S100PBP: variants seen among roughly 807,000 people sequenced by gnomAD.
S100PBP encodes the protein S100P-binding protein.
A neutral mutation model predicts 39.9 loss-of-function variants in S100PBP; 15 were observed. The observed-to-expected ratio is 0.38, with a 90% CI of 0.25 to 0.58. The LOEUF is 0.58. S100PBP is among the 20% of genes least tolerant of loss of function. The probability of loss-of-function intolerance (pLI) is 0.70; values close to 1 mark genes in which losing one functional copy is unlikely to be tolerated. For synonymous variants in S100PBP, 178 were observed against 180.3 expected (o/e 0.99, Z 0.10); for missense variants, 504 against 487.3 (o/e 1.03, Z -0.32).
At chr1:32,852,952 G>T in intron 5 of S100PBP, 127 bp from the exon 6 acceptor site, 1 of 641,228 alleles carries the variant, frequency 1.6e-6, no homozygotes, top group Non-Finnish European at 2.8e-6. Flanking sequence ...CTCACTGCTT[G>T]TGATAATTGT....
At chr1:32,822,021 A>G (rs148363267) in intron 1 of S100PBP, among the ~76,000 whole-genome samples, 3 of 152,274 alleles carry the variant, frequency 2.0e-5, no homozygotes, top group East Asian at 3.9e-4. Context: ...AGCCAGTCAC[A>G]TTGTATGGAC....
chr1:32,853,050 TC>T (rs774748080), intron 5 of S100PBP, 28 bp from the exon 6 acceptor site: 40 of 1,536,306 alleles, frequency 2.6e-5, no homozygotes, highest in Non-Finnish European at 3.4e-5. Flanking sequence ...ACTCAGCTGT[TC>T]CTAACCACTG....
intron 5 of S100PBP, chr1:32,843,267 G>C (rs1340673966): frequency 6.6e-6 from 1 of 151,896 alleles, no homozygotes; most frequent in Non-Finnish European, 1.5e-5. Flanking sequence ...TTTCTTTTCT[G>C]GTGCTGCCTA....
rs775534923 is a variant in S100PBP at position 32,856,606 on chromosome 1, A to G, written c.*568A>G. The G allele has an allele frequency of 5.2e-5, 8 of 152,698 alleles. No homozygotes were observed. Among genetic ancestry groups the G allele is most frequent in the Non-Finnish European group, 1.0e-4 (7 of 68,070 alleles). The allele number at this position is 152,698 out of a possible 1,614,324, so 9.5% of individuals were successfully genotyped here. The stretch of plus-strand genomic sequence containing the variant: ...TAGGATGGAGCAGGAGAAGAATCCT[A>G]TTGAAAGGACAAATTAAAATAGTAA... On this transcript the variant is annotated 3_prime_UTR_variant, in exon 7 of 7. Transcript: ENST00000373475.
intron 1 of S100PBP, chr1:32,820,653 T>C (rs1639014126): frequency 6.6e-6 from 1 of 152,234 alleles, no homozygotes; most frequent in Non-Finnish European, 1.5e-5. Flanking sequence ...ATAATCATTG[T>C]ATCTTTCCCA....
rs774849045 is a variant in S100PBP, at chr1:32,826,925, A to G, written c.826A>G (p.Asn276Asp). The change falls in exon 3 of 7, where the codon AAC becomes GAC. Residue 276 changes from asparagine (N) to aspartate (D), a missense_variant. Transcript: ENST00000373475. ...ATCTCTGGTTGTTTCCACCTCATCA[A>G]ACAAAGTAAGTATATTTTATTCAAG... The part of the protein sequence containing the change: ...MRSLVVSTSS[N>D]KQDVLNKDSG... 1.6e-5 allele frequency: 25 copies of G among 1,563,764 alleles called. No homozygotes were observed. The highest frequency in any genetic ancestry group is 2.2e-5 in the East Asian group (1 of 44,526).
intron 5 of S100PBP, among the ~76,000 whole-genome samples, chr1:32,840,126 AG>A (rs1359045781): frequency 6.6e-6 from 1 of 152,152 alleles, no homozygotes; most frequent in African/African-American, 2.4e-5. Context: ...CTGGGATAAC[AG>A]GTGTGCATCC....
intron 3 of S100PBP, 101 bp downstream of exon 3, chr1:32,827,031 T>A: frequency 1.3e-6 from 1 of 769,186 alleles, no homozygotes; most frequent in Non-Finnish European, 2.0e-6. Context: ...CATACACAAC[T>A]TCCCCTGCTG....
Position 32,826,803 on chromosome 1 carries a change from C to A in S100PBP, c.704C>A (p.Thr235Lys). The A allele has an allele frequency of 6.2e-7, 1 of 1,613,904 alleles. No individual in the cohort carries two copies. The change falls in exon 3 of 7, where the codon ACG becomes AAG. Residue 235 changes from threonine to lysine, a missense_variant. Physicochemically the swap from Thr to Lys is moderately conservative, Grantham distance 78. Transcript: ENST00000373475. ...DKNMPDSENP[T>K]SVFSRISDHS... ...AATATGCCTGACAGTGAGAACCCTA[C>A]GTCTGTATTCTCTCGGATCTCAGAC...
rs923034037 is a variant in S100PBP at position 32,829,987 on chromosome 1, A to G, written c.944A>G (p.Gln315Arg). 5 of 1,613,754 alleles carry G rather than the reference A, an allele frequency of 3.1e-6. No homozygotes were observed. The highest frequency in any genetic ancestry group is 3.3e-5 in the Admixed American group (2 of 59,992). ...KTRTNVPTFSQSNLEQQKQLY... is the reference protein window; with the variant it reads ...KTRTNVPTFSRSNLEQQKQLY... ...AGGACTAATGTTCCGACGTTTTCACAGTCAAATCTAGAACAGCAGAAGCAG... is the reference window on the plus strand; with the variant it reads ...AGGACTAATGTTCCGACGTTTTCACGGTCAAATCTAGAACAGCAGAAGCAG... Residue 315 changes from glutamine to arginine, a missense_variant, in exon 5 of 7, where the codon CAG becomes CGG. Coordinates refer to ENST00000373475, the MANE Select transcript of S100PBP (RefSeq NM_022753.4).
rs1189994334 is a variant in S100PBP at position 32,826,297 on chromosome 1, C to T, written c.198C>T (p.Asp66=). The change falls in exon 3 of 7, where the codon GAC becomes GAT. Residue 66 remains aspartate (D), a synonymous_variant. Transcript: ENST00000373475. Reference sequence around the variant, plus strand: ...TTGATGCACTGTTGAAGGAAGATGACCCATCATATGAGCAGTCTTCTGGGG... The same window carrying T: ...TTGATGCACTGTTGAAGGAAGATGATCCATCATATGAGCAGTCTTCTGGGG... ...EEIDALLKED[D]PSYEQSSGED... The T allele has an allele frequency of 1.2e-6, 2 of 1,614,054 alleles. No homozygotes were observed. The highest frequency in any genetic ancestry group is 1.7e-6 in the Non-Finnish European group (2 of 1,179,986).
At position 32,826,627 on chromosome 1, in the gene S100PBP, C is replaced by T. The variant is rs966281960; in HGVS notation, c.528C>T (p.Ser176=). The T allele has an allele frequency of 1.9e-6, 3 of 1,613,970 alleles. No homozygotes were observed. Among genetic ancestry groups the T allele is most frequent in the African/African-American group, 1.3e-5 (1 of 74,906 alleles). The part of the protein sequence containing the change: ...DSSKDTEKLS[S]LGEEMREDGL... Reference sequence around the variant, plus strand: ...CCAAAGATACTGAAAAACTCTCTTCCCTTGGAGAAGAGATGAGAGAAGATG... The same window carrying T: ...CCAAAGATACTGAAAAACTCTCTTCTCTTGGAGAAGAGATGAGAGAAGATG... The change falls in exon 3 of 7, where the codon TCC becomes TCT. Residue 176 remains serine, a synonymous_variant. Coordinates refer to ENST00000373475, the MANE Select transcript of S100PBP (RefSeq NM_022753.4).
intron 5 of S100PBP, among the ~76,000 whole-genome samples, chr1:32,852,547 T>C (rs1176669848): frequency 1.3e-5 from 2 of 152,196 alleles, no homozygotes; most frequent in Non-Finnish European, 1.5e-5. Context: ...GTTTCTTGAA[T>C]GTATTTGCTG....
chr1:32,820,407 A>C (rs748452428), intron 1 of S100PBP: 2 of 152,148 alleles, frequency 1.3e-5, no homozygotes, highest in Non-Finnish European at 2.9e-5. Flanking sequence ...CAGCCTCCCA[A>C]AGTGCTGGGA....
Position 32,826,759 on chromosome 1 carries a change from A to G in S100PBP, c.660A>G (p.Gln220=), listed in dbSNP as rs774520995. The stretch of plus-strand genomic sequence containing the variant: ...TCTCTTCTTCAAACAATAACTTTCA[A>G]CAGACTGTCTCTGATAAAAATATGC... ...PQLSSSNNNF[Q]QTVSDKNMPD... The change falls in exon 3 of 7, where the codon CAA becomes CAG. Residue 220 remains glutamine, a synonymous_variant. Transcript: ENST00000373475. 3 of 1,614,138 alleles carry G rather than the reference A, an allele frequency of 1.9e-6. No homozygotes were observed. The highest frequency in any genetic ancestry group is 2.2e-5 in the East Asian group (1 of 44,878).
intron 5 of S100PBP, chr1:32,836,436 T>G: frequency 1.6e-6 from 1 of 636,058 alleles, no homozygotes; most frequent in Non-Finnish European, 2.0e-6. Flanking sequence ...CTGGCTTGTG[T>G]TTTTGTTTTT....
chr1:32,837,815 GTTTA>G (rs1409228874), intron 5 of S100PBP, among the ~76,000 whole-genome samples: 1 of 151,848 alleles, frequency 6.6e-6, no homozygotes, highest in East Asian at 1.9e-4. Context: ...CATGTTGCAT[GTTTA>G]TTTCTTTTTA....
At position 32,826,662 on chromosome 1, in the gene S100PBP, C is replaced by T. The variant is rs1639343029; in HGVS notation, c.563C>T (p.Pro188Leu). 6.2e-7 allele frequency: 1 copy of T among 1,614,002 alleles called. No homozygotes were observed. Among genetic ancestry groups the T allele is most frequent in the East Asian group, 2.2e-5 (1 of 44,898 alleles). ...GEEMREDGLS[P>L]NESKLCTESE... ...GAGATGAGAGAAGATGGTCTTAGCC[C>T]AAATGAAAGCAAACTTTGTACTGAA... The change falls in exon 3 of 7, where the codon CCA becomes CTA. Residue 188 changes from proline to leucine, a missense_variant. By Grantham distance (98) the Pro-to-Leu change is moderately conservative. Coordinates refer to ENST00000373475, the MANE Select transcript of S100PBP (RefSeq NM_022753.4).
chr1:32,844,039 G>T (rs1224775711), intron 5 of S100PBP, among the ~76,000 whole-genome samples: 1 of 151,382 alleles, frequency 6.6e-6, no homozygotes, highest in Admixed American at 6.6e-5. Flanking sequence ...TCAGCCTCCC[G>T]AGTAGCTGGG....
Sources: gnomAD v4.1 joint callset for allele counts (sites outside exome capture counted in the v4.1 genomes callset) on GRCh38, gnomAD v4.1.1 for gene constraint, MANE v1.5 for transcripts, NCBI Gene and HGNC (gene_info 2026-07-23, HGNC 2026-07-21) for gene names.